Variants in SGCZ observed in about 807,000 individuals in gnomAD.
The protein encoded by SGCZ is zeta-sarcoglycan.
Under a neutral mutation model 41.3 loss-of-function variants are expected in SGCZ, and 40 were observed. That is an observed-to-expected ratio of 0.97 (90% confidence interval 0.75 to 1.26). The LOEUF (loss-of-function observed/expected upper bound fraction) is 1.26. Among genes scored for constraint, SGCZ ranks in the 50% most tolerant of loss-of-function variants. The probability of loss-of-function intolerance (pLI) is 0.00; values close to 1 mark genes in which losing one functional copy is unlikely to be tolerated. For missense variants in SGCZ, 552 were observed against 369.8 expected (o/e 1.49, Z -4.04); for synonymous variants, 206 against 137.5 (o/e 1.50, Z -3.49).
intron 1 of SGCZ, among the ~76,000 whole-genome samples, chr8:14,784,789 C>T (rs539610709): frequency 6.7e-5 from 10 of 150,116 alleles, no homozygotes; most frequent in Admixed American, 1.3e-4. Context: ...GTAATCCCAG[C>T]TACTCAGGAG....
chr8:15,046,873 AAT>A (rs756685388), intron 1 of SGCZ, among the ~76,000 whole-genome samples: 24 of 152,056 alleles, frequency 1.6e-4, no homozygotes, highest in Non-Finnish European at 2.8e-4. Flanking sequence ...ACAGTGAGAA[AAT>A]ATGTCTCCTA....
chr8:14,779,711 A>G (rs2252835), intron 1 of SGCZ, among the ~76,000 whole-genome samples: 38,985 of 152,126 alleles, frequency 0.26, 5,402 homozygotes, highest in African/African-American at 0.36. Context: ...GAGCCATACA[A>G]AACTAAAGAT....
intron 2 of SGCZ, among the ~76,000 whole-genome samples, chr8:14,369,369 G>T (rs1461382112): frequency 6.6e-6 from 1 of 151,752 alleles, no homozygotes; most frequent in Non-Finnish European, 1.5e-5. Context: ...TCCTCAATTT[G>T]AGCTTCTCTG....
intron 1 of SGCZ, among the ~76,000 whole-genome samples, chr8:15,037,109 A>G (rs1803901259): frequency 6.6e-6 from 1 of 152,176 alleles, no homozygotes; most frequent in African/African-American, 2.4e-5. Flanking sequence ...GATAAAGGCT[A>G]TATATGATGA....
chr8:14,140,626 C>A (rs544735389), intron 5 of SGCZ, among the ~76,000 whole-genome samples: 1 of 152,166 alleles, frequency 6.6e-6, no homozygotes, highest in East Asian at 1.9e-4. Context: ...ATGTGAAAGA[C>A]CTCTTCAAGG....
chr8:14,293,812 T>C (rs1425213207), intron 3 of SGCZ, among the ~76,000 whole-genome samples: 2 of 151,884 alleles, frequency 1.3e-5, no homozygotes, highest in African/African-American at 4.8e-5. Flanking sequence ...GGTAAGATTA[T>C]CCTCATCATT....
At chr8:14,803,529 A>T (rs1268503343) in intron 1 of SGCZ, among the ~76,000 whole-genome samples, 2 of 152,120 alleles carry the variant, frequency 1.3e-5, no homozygotes, top group African/African-American at 4.8e-5. Flanking sequence ...ATGGGCTTAA[A>T]AAACGGCGCA....
At chr8:14,509,491 G>C (rs1802406622) in intron 2 of SGCZ, among the ~76,000 whole-genome samples, 1 of 152,060 alleles carries the variant, frequency 6.6e-6, no homozygotes, top group Non-Finnish European at 1.5e-5. Context: ...TATATTAACT[G>C]ATTAATCTGC....
chr8:14,864,640 AT>A (rs1265015332), intron 1 of SGCZ, among the ~76,000 whole-genome samples: 5 of 152,186 alleles, frequency 3.3e-5, no homozygotes, highest in African/African-American at 1.2e-4. Context: ...AACAGGTAAC[AT>A]GTACAAAAAG....
intron 1 of SGCZ, among the ~76,000 whole-genome samples, chr8:14,962,613 T>G (rs1800999127): frequency 6.6e-6 from 1 of 152,194 alleles, no homozygotes; most frequent in Admixed American, 6.5e-5. Context: ...AGAAAATTCA[T>G]TTTTATGTAT....
Position 14,840,618 on chromosome 8 carries a change from G to C in SGCZ, c.40-285692C>G, listed in dbSNP as rs369841310. Among the ~76,000 whole-genome samples, 41 of 152,182 alleles carry C rather than the reference G, an allele frequency of 2.7e-4. No individual in the cohort carries two copies. The South Asian group carries it at 8.3e-3, about 31-fold the overall frequency. On this transcript the variant is annotated intron_variant, in intron 1 of 7. Coordinates refer to ENST00000382080, the MANE Select transcript of SGCZ (RefSeq NM_139167.4). ...AAACCAAGTCTCATTTCTCCAAAAT[G>C]AGTTTCTCTTGCACTCTAACTATCT...
At chr8:14,305,123 C>T (rs542637194) in intron 3 of SGCZ, among the ~76,000 whole-genome samples, 1 of 151,984 alleles carries the variant, frequency 6.6e-6, no homozygotes, top group Non-Finnish European at 1.5e-5. Flanking sequence ...TAGTACATAT[C>T]TTATTTTACT....
chr8:14,164,736 G>T, intron 4 of SGCZ, 34 bp from the exon 5 acceptor site: 1 of 1,606,122 alleles, frequency 6.2e-7, no homozygotes, highest in Non-Finnish European at 8.5e-7. Context: ...AAATGAAACT[G>T]GTATGCAGGA....
chr8:14,374,433 A>G (rs748436325), intron 2 of SGCZ, among the ~76,000 whole-genome samples: 15 of 152,206 alleles, frequency 9.9e-5, no homozygotes, highest in Non-Finnish European at 1.5e-4. Flanking sequence ...ATTTATAAAT[A>G]TGGTAGTAAG....
chr8:14,216,974 A>C (rs78352106), intron 4 of SGCZ, among the ~76,000 whole-genome samples: 1 of 152,156 alleles, frequency 6.6e-6, no homozygotes, highest in African/African-American at 2.4e-5. Flanking sequence ...CCAAGGCCAC[A>C]TATGTGGTGA....
At chr8:15,120,384 C>G (rs1807434783) in intron 1 of SGCZ, among the ~76,000 whole-genome samples, 1 of 152,172 alleles carries the variant, frequency 6.6e-6, no homozygotes, top group Non-Finnish European at 1.5e-5. Context: ...TCCCCCAACA[C>G]TTAGAAATAT....
intron 1 of SGCZ, among the ~76,000 whole-genome samples, chr8:14,781,812 T>A (rs150597307): frequency 6.6e-6 from 1 of 152,104 alleles, no homozygotes; most frequent in African/African-American, 2.4e-5. Flanking sequence ...CATTAACCTA[T>A]AGTTGGGCAA....
intron 2 of SGCZ, among the ~76,000 whole-genome samples, chr8:14,348,108 G>T (rs1356877004): frequency 1.3e-5 from 2 of 151,986 alleles, no homozygotes; most frequent in Non-Finnish European, 2.9e-5. Flanking sequence ...ATTACTTCAA[G>T]GTGGTTCATC....
intron 1 of SGCZ, among the ~76,000 whole-genome samples, chr8:14,929,520 C>T (rs190052905): frequency 1.3e-5 from 2 of 150,604 alleles, no homozygotes; most frequent in Admixed American, 6.6e-5. Flanking sequence ...CGCAGCCTAA[C>T]ACAATGACCA....
Sources: allele counts gnomAD v4.1 joint callset (sites outside exome capture counted in the v4.1 genomes callset), GRCh38; gene constraint gnomAD v4.1.1; transcripts MANE v1.5; gene names NCBI Gene and HGNC (gene_info 2026-07-23, HGNC 2026-07-21).